PARG: variants seen among roughly 807,000 people sequenced by gnomAD.
The protein encoded by PARG is poly(ADP-ribose) glycohydrolase.
Under a neutral mutation model 113.0 loss-of-function variants are expected in PARG, and 35 were observed. That is an observed-to-expected ratio of 0.31 (90% CI 0.24 to 0.41). PARG has a LOEUF of 0.41. Ranked by LOEUF, PARG falls within the 10% of genes least tolerant of loss-of-function variation. The pLI, the probability that PARG is intolerant of heterozygous loss-of-function variation, is 1.00. For synonymous variants in PARG, 330 were observed against 409.9 expected (o/e 0.81, Z 2.36); for missense variants, 797 against 1,169.4 (o/e 0.68, Z 4.64).
chr10:49,844,153 A>AG (rs1554832917), intron 13 of PARG, among the ~76,000 whole-genome samples: 1 of 152,138 alleles, frequency 6.6e-6, no homozygotes, highest in South Asian at 2.1e-4. Flanking sequence ...TCAAAAGAAA[A>AG]AAAAGAAAAG....
At chr10:49,936,645 T>C (rs1444209371) in intron 1 of PARG, among the ~76,000 whole-genome samples, 1 of 152,150 alleles carries the variant, frequency 6.6e-6, no homozygotes, top group Non-Finnish European at 1.5e-5. Context: ...ATCTTAAACA[T>C]TCGCAAATGT....
At chr10:49,895,045 CTCTCA>C (rs1301943832) in intron 7 of PARG, among the ~76,000 whole-genome samples, 5 of 152,136 alleles carry the variant, frequency 3.3e-5, no homozygotes, top group African/African-American at 1.2e-4. Flanking sequence ...TCCTTTCCTT[CTCTCA>C]TAAGGACACC....
At chr10:49,840,990 G>T (rs1395018563) in intron 15 of PARG, among the ~76,000 whole-genome samples, 4 of 152,234 alleles carry the variant, frequency 2.6e-5, no homozygotes, top group African/African-American at 9.6e-5. Flanking sequence ...AATGGCTCAT[G>T]CCTGTAATCC....
chr10:49,820,367 G>A, intron 16 of PARG, 74 bp from the exon 17 acceptor site: 1 of 981,774 alleles, frequency 1.0e-6, no homozygotes, highest in Non-Finnish European at 1.5e-6. Flanking sequence ...TTACCAGCTG[G>A]TGTGCCACAG....
At chr10:49,931,770 G>C (rs1838493385) in intron 4 of PARG, among the ~76,000 whole-genome samples, 1 of 150,854 alleles carries the variant, frequency 6.6e-6, no homozygotes, top group Admixed American at 6.6e-5. Flanking sequence ...TTGAAATTTA[G>C]GGACGAATGC....
chr10:49,862,974 ATC>A (rs1846326284), intron 11 of PARG, among the ~76,000 whole-genome samples: 1 of 148,838 alleles, frequency 6.7e-6, no homozygotes, highest in African/African-American at 2.5e-5. Flanking sequence ...TGGGAATTCC[ATC>A]TGTTGTCAAC....
chr10:49,897,220 T>C (rs1848131922), intron 7 of PARG, among the ~76,000 whole-genome samples: 1 of 152,232 alleles, frequency 6.6e-6, no homozygotes, highest in Non-Finnish European at 1.5e-5. Flanking sequence ...TTTTCTTACT[T>C]ATAAAATGAA....
intron 15 of PARG, among the ~76,000 whole-genome samples, chr10:49,837,397 T>TACAC (rs3048454): frequency 5.4e-5 from 8 of 147,974 alleles, no homozygotes; most frequent in East Asian, 3.9e-4. Context: ...CATGCATATA[T>TACAC]ACACACACAC....
At chr10:49,822,112 T>C (rs782541045) in intron 16 of PARG, among the ~76,000 whole-genome samples, 2 of 152,086 alleles carry the variant, frequency 1.3e-5, no homozygotes, top group Non-Finnish European at 2.9e-5. Flanking sequence ...TGTCTCACTA[T>C]GGAAGGAGGG....
intron 1 of PARG, among the ~76,000 whole-genome samples, chr10:49,937,466 ACT>A (rs1838809242): frequency 1.4e-5 from 2 of 144,418 alleles, no homozygotes; most frequent in African/African-American, 2.5e-5. Context: ...ACAGTGTGAG[ACT>A]CTGTCTCAAA....
In PARG at chr10:49,917,294, T is replaced by C. The variant is rs191335721; in HGVS notation, c.1663-1303A>G. On this transcript the variant is annotated intron_variant, in intron 6 of 17. Coordinates refer to ENST00000616448, the MANE Select transcript of PARG (RefSeq NM_003631.5). The stretch of plus-strand genomic sequence containing the variant: ...TCACAATGTCAGGAGATCCAGACCA[T>C]CCTGGCCAACATGGTGAAACCATGT... Among the ~76,000 whole-genome samples the C allele has an allele frequency of 1.8e-3, 276 of 151,818 alleles. 2 individuals are homozygous for C. The highest frequency in any genetic ancestry group is 6.4e-3 in the African/African-American group (266 of 41,452).
rs1272425392 is a variant in PARG, at chr10:49,891,612, T to C, written c.1738-6317A>G. On this transcript the variant is annotated intron_variant, in intron 7 of 17. Transcript: ENST00000616448. ...GTCCATATATATATATATATATATATATATATATATATTTTTTTTTTTTTT... is the reference window on the plus strand; with the variant it reads ...GTCCATATATATATATATATATATACATATATATATATTTTTTTTTTTTTT... Among the ~76,000 whole-genome samples, 288 of 54,244 alleles carry C rather than the reference T, an allele frequency of 5.3e-3. 4 individuals are homozygous for C. The highest frequency in any genetic ancestry group is 7.5e-3 in the Non-Finnish European group (230 of 30,470). The allele number at this position is 54,244 out of a possible 152,430, so 35.6% of individuals were successfully genotyped here. A position where few individuals can be genotyped will look rare whatever the true frequency, so the allele number is the denominator to read the frequency against.
At chr10:49,941,400 A>C in intron 1 of PARG, 109 bp downstream of exon 1, 4 of 903,774 alleles carry the variant, frequency 4.4e-6, no homozygotes, top group Non-Finnish European at 7.2e-6. Flanking sequence ...CTCAAGAGTG[A>C]CGATGCACAC....
At chr10:49,860,604 G>A (rs1422932989) in intron 12 of PARG, among the ~76,000 whole-genome samples, 3 of 150,778 alleles carry the variant, frequency 2.0e-5, no homozygotes, top group Non-Finnish European at 3.0e-5. Context: ...TTACAAATAT[G>A]TCCAAATAAA....
intron 6 of PARG, 66 bp downstream of exon 6, chr10:49,922,270 C>T (rs1364128342): frequency 2.3e-4 from 355 of 1,527,812 alleles, no homozygotes; most frequent in Non-Finnish European, 3.0e-4. Context: ...TCTATTAAGA[C>T]CAAAAAGTCT....
At chr10:49,916,290 T>C (rs1564654776) in intron 6 of PARG, among the ~76,000 whole-genome samples, 1 of 144,184 alleles carries the variant, frequency 6.9e-6, no homozygotes, top group Non-Finnish European at 1.6e-5. Flanking sequence ...AAAAACTGGA[T>C]CTTGAGGGGT....
At chr10:49,846,783 A>T (rs1382394914) in intron 13 of PARG, among the ~76,000 whole-genome samples, 1 of 152,072 alleles carries the variant, frequency 6.6e-6, no homozygotes, top group African/African-American at 2.4e-5. Flanking sequence ...TTTGTAACAT[A>T]TATGTTCTAG....
At chr10:49,926,764 C>A (rs1302985693) in intron 4 of PARG, among the ~76,000 whole-genome samples, 2 of 152,212 alleles carry the variant, frequency 1.3e-5, no homozygotes, top group Non-Finnish European at 2.9e-5. Context: ...CAATATATAA[C>A]CCCCACGTAT....
rs554532346 is a variant in PARG, at chr10:49,840,264, T to C, written c.2541+1686A>G. On this transcript the variant is annotated intron_variant, in intron 15 of 17. Transcript: ENST00000616448. ...TTAGCCAGGTGTGGTGGTGCACACC[T>C]GTACTCCTAGCTACTCAGGAGGCTG... Among the ~76,000 whole-genome samples, 50 of 152,122 alleles carry C rather than the reference T, an allele frequency of 3.3e-4. 1 individual carries two copies. Among genetic ancestry groups the C allele is most frequent in the African/African-American group, 9.9e-4 (41 of 41,524 alleles).
Sources: allele counts gnomAD v4.1 joint callset (sites outside exome capture counted in the v4.1 genomes callset), GRCh38; gene constraint gnomAD v4.1.1; transcripts MANE v1.5; gene names NCBI Gene and HGNC (gene_info 2026-07-23, HGNC 2026-07-21).